The following PER2 variants were observed in gnomAD, a reference collection of about 807,000 sequenced individuals.
PER2 encodes the protein period circadian protein homolog 2.
A neutral mutation model predicts 121.0 loss-of-function variants in PER2; 66 were observed. That is an observed-to-expected ratio of 0.55 (90% confidence interval 0.45 to 0.67). The LOEUF (loss-of-function observed/expected upper bound fraction) is 0.67, where lower values mean the gene tolerates loss of function less well. PER2 is among the 30% of genes least tolerant of loss of function. The pLI is 0.00. For missense variants in PER2, 1,521 were observed against 1,635.0 expected, an observed-to-expected ratio of 0.93 and a Z score of 1.20; for synonymous variants, 684 against 659.9, an observed-to-expected ratio of 1.04 and a Z score of -0.56.
At position 238,245,251 on chromosome 2, in the gene PER2, A is replaced by C. The variant is rs1318319460; in HGVS notation, c.*1124T>G. On this transcript the variant is annotated 3_prime_UTR_variant, in exon 23 of 23. Transcript: ENST00000254657. ...GGCAGACTGGCCTCACTTTTCCCCAAGTGTCCAAATGACCTAAAAGTGCTG... is the reference window on the plus strand; with the variant it reads ...GGCAGACTGGCCTCACTTTTCCCCACGTGTCCAAATGACCTAAAAGTGCTG... The C allele has an allele frequency of 1.5e-5, 4 of 269,072 alleles. No individual in the cohort carries two copies. The South Asian group carries it at 5.1e-4, about 34-fold the overall frequency. 16.7% of individuals were successfully genotyped at this position (269,072 alleles called of 1,614,324 possible).
At chr2:238,280,750 T>C (rs1257964277) in intron 1 of PER2, among the ~76,000 whole-genome samples, 1 of 152,036 alleles carries the variant, frequency 6.6e-6, no homozygotes, top group Non-Finnish European at 1.5e-5. Flanking sequence ...ACGAGAACAA[T>C]AAAACAGAAA....
At position 238,268,309 on chromosome 2, in the gene PER2, T is replaced by A; in HGVS notation, c.825-111A>T. On this transcript the variant is annotated intron_variant, in intron 7 of 22. Coordinates refer to ENST00000254657, the MANE Select transcript of PER2 (RefSeq NM_022817.3). This position sits in a 1 kb window ranked among gnomAD's most constrained non-coding sequence, Gnocchi z 4.0. ...CCATGCTGCAGGTGATGTGTACCTC[T>A]GCTCTGCCTGAGGAGCTGGGCCTGC... 4 of 1,125,310 alleles carry A rather than the reference T, an allele frequency of 3.6e-6. No individual in the cohort carries two copies. The highest frequency in any genetic ancestry group is 5.2e-6 in the Non-Finnish European group (4 of 765,780). The allele number at this position is 1,125,310 out of a possible 1,614,324, so 69.7% of individuals were successfully genotyped here. A position where few individuals can be genotyped will look rare whatever the true frequency, so the allele number is the denominator to read the frequency against.
chr2:238,269,612 AAC>A (rs1338999133), intron 6 of PER2, among the ~76,000 whole-genome samples: 1 of 151,412 alleles, frequency 6.6e-6, no homozygotes, highest in Non-Finnish European at 1.5e-5. Flanking sequence ...CCTGCAACTG[AAC>A]ACACTCACGG....
chr2:238,269,003 C>A (rs1290114810), intron 6 of PER2, 29 bp from the exon 7 acceptor site: 1 of 1,530,194 alleles, frequency 6.5e-7, no homozygotes, highest in Admixed American at 1.7e-5. Context: ...AGTCATTCAT[C>A]CAAACCAACA....
chr2:238,284,612 G>A (rs1170514812), intron 1 of PER2, among the ~76,000 whole-genome samples: 1 of 152,200 alleles, frequency 6.6e-6, no homozygotes, highest in African/African-American at 2.4e-5. Context: ...CCTTAGAGGA[G>A]CATCAGGTAT....
chr2:238,258,241 T>C lies in PER2; in HGVS notation c.1900+35A>G, dbSNP rs200967262. ...ACTCTACTCCAGAGGATTTACATTA[T>C]TTCACATGTACATGGCTCTACACAG... On this transcript the variant is annotated intron_variant, in intron 16 of 22. Transcript: ENST00000254657. The C allele has an allele frequency of 6.0e-5, 97 of 1,611,562 alleles. 1 individual carries two copies. The Admixed American group carries it at 1.3e-3, about 21-fold the overall frequency.
At chr2:238,278,565 G>C (rs1559335875) in intron 1 of PER2, among the ~76,000 whole-genome samples, 1 of 152,202 alleles carries the variant, frequency 6.6e-6, no homozygotes. Flanking sequence ...CCTGTGGGGT[G>C]CTGGGAAAAA....
chr2:238,289,780 C>T (rs1298896503), upstream of PER2: 1 of 152,232 alleles, frequency 6.6e-6, no homozygotes, highest in East Asian at 1.9e-4. Flanking sequence ...GCGCGGGACC[C>T]TGCATCACCT....
rs774507779 is a variant in PER2, at chr2:238,255,841, A to C, written c.2136T>G (p.Gly712=). Residue 712 remains glycine, a synonymous_variant, in exon 18 of 23, where the codon GGT becomes GGG. Coordinates refer to ENST00000254657, the MANE Select transcript of PER2 (RefSeq NM_022817.3). ...DCLAGPALAC[G]LSQEKEPFKK... ...TGAAGGGCTCCTTCTCTTGGCTGAGACCACAGGCCAGGGCAGGGCCCGCCA... is the reference window on the plus strand; with the variant it reads ...TGAAGGGCTCCTTCTCTTGGCTGAGCCCACAGGCCAGGGCAGGGCCCGCCA... 6.2e-7 allele frequency: 1 copy of C among 1,614,180 alleles called. No homozygotes were observed. The highest frequency in any genetic ancestry group is 8.5e-7 in the Non-Finnish European group (1 of 1,180,030).
At position 238,268,624 on chromosome 2, in the gene PER2, C is replaced by A. The variant is rs1696186372; in HGVS notation, c.824+299G>T. ...GTCTCTCCCCAGAAAAACGCACAGA[C>A]AACCAAAAGACGCAGTGCTTTCAGA... is the stretch of plus-strand genomic sequence containing the variant. On this transcript the variant is annotated intron_variant, in intron 7 of 22. Coordinates refer to ENST00000254657, the MANE Select transcript of PER2 (RefSeq NM_022817.3). This position sits in a 1 kb window ranked among gnomAD's most constrained non-coding sequence, Gnocchi z 4.0. Among the ~76,000 whole-genome samples the A allele has an allele frequency of 6.6e-6, 1 of 152,198 alleles. No individual in the cohort carries two copies. The highest frequency in any genetic ancestry group is 1.9e-4 in the East Asian group (1 of 5,194).
intron 5 of PER2, among the ~76,000 whole-genome samples, chr2:238,272,602 G>A (rs1696323614): frequency 6.6e-6 from 1 of 152,384 alleles, no homozygotes; most frequent in South Asian, 2.1e-4. Context: ...AGAACTCAGA[G>A]TGGTAGAGTA....
intron 1 of PER2, among the ~76,000 whole-genome samples, chr2:238,284,694 T>C (rs1420693533): frequency 2.0e-5 from 3 of 152,234 alleles, no homozygotes; most frequent in East Asian, 1.9e-4. Flanking sequence ...CCTAAGTCCA[T>C]CCCCTGTAAG....
At chr2:238,286,483 G>A (rs1274667793) in intron 1 of PER2, among the ~76,000 whole-genome samples, 1 of 152,100 alleles carries the variant, frequency 6.6e-6, no homozygotes, top group Non-Finnish European at 1.5e-5. Flanking sequence ...ATAATGAGTT[G>A]AAAGGAGGGC....
Position 238,252,866 on chromosome 2 carries a change from G to A in PER2, c.3111+46C>T, listed in dbSNP as rs989365762. ...GATGTGCGGCCGGCCTGCCAGGTGT[G>A]CTGTTTGCTGCCTGCTTTGGGGAAA... On this transcript the variant is annotated intron_variant, in intron 19 of 22. Transcript: ENST00000254657. The surrounding 1 kb of genome is among the most constrained non-coding windows in gnomAD (Gnocchi z 4.2). 5.2e-6 allele frequency: 8 copies of A among 1,534,670 alleles called. No individual in the cohort carries two copies. The highest frequency in any genetic ancestry group is 1.1e-5 in the South Asian group (1 of 89,574).
At chr2:238,288,782 G>C (rs1383311247), upstream of PER2, among the ~76,000 whole-genome samples, 1 of 151,692 alleles carries the variant, frequency 6.6e-6, no homozygotes. Flanking sequence ...CGGCCGAGTC[G>C]CCGCTGTCAC....
Position 238,252,893 on chromosome 2 carries a change from A to C in PER2, c.3111+19T>G. On this transcript the variant is annotated intron_variant, in intron 19 of 22. Coordinates refer to ENST00000254657, the MANE Select transcript of PER2 (RefSeq NM_022817.3). The surrounding 1 kb of genome is among the most constrained non-coding windows in gnomAD (Gnocchi z 4.2). Reference sequence around the variant, plus strand: ...TGTTTGCTGCCTGCTTTGGGGAAAGAGCATCAGAAAATCCTTACGGTCAGA... The same window carrying C: ...TGTTTGCTGCCTGCTTTGGGGAAAGCGCATCAGAAAATCCTTACGGTCAGA... 1 of 1,609,426 alleles carries C rather than the reference A, an allele frequency of 6.2e-7. No individual in the cohort carries two copies. The highest frequency in any genetic ancestry group is 8.5e-7 in the Non-Finnish European group (1 of 1,177,450).
At chr2:238,289,870 C>T (rs1056306590), upstream of PER2, 3 of 152,246 alleles carry the variant, frequency 2.0e-5, no homozygotes, top group Non-Finnish European at 4.4e-5. Context: ...TACAATTTCC[C>T]CGGGTCTGGG....
Position 238,277,715 on chromosome 2 carries a change from G to A in PER2, c.222C>T (p.Ala74=). 3.7e-6 allele frequency: 6 copies of A among 1,614,088 alleles called. No homozygotes were observed. The highest frequency in any genetic ancestry group is 4.2e-6 in the Non-Finnish European group (5 of 1,180,016). The change falls in exon 2 of 23, where the codon GCC becomes GCT. Residue 74 remains alanine, a synonymous_variant. Coordinates refer to ENST00000254657, the MANE Select transcript of PER2 (RefSeq NM_022817.3). The stretch of plus-strand genomic sequence containing the variant: ...CCAGAGGCTGAACTCACCTCTGGCG[G>A]GCATCCGGTGGCTCCACCAGCATCC... The part of the protein sequence containing the change: ...ELGMLVEPPD[A]RQSPDTFSLM...
At position 238,255,724 on chromosome 2, in the gene PER2, G is replaced by C. The variant is rs146740628; in HGVS notation, c.2253C>G (p.Leu751=). Residue 751 remains leucine (L), a synonymous_variant, in exon 18 of 23, where the codon CTC becomes CTG. Transcript: ENST00000254657. The part of the protein sequence containing the change: ...FLQKFKEIRK[L]SIFQSHCHYY... ...AATGGCAGTGGGACTGGAAAATGCT[G>C]AGTTTTCTTATTTCTTTGAACTTCT... 1 of 1,614,104 alleles carries C rather than the reference G, an allele frequency of 6.2e-7. No homozygotes were observed. Among genetic ancestry groups the C allele is most frequent in the Non-Finnish European group, 8.5e-7 (1 of 1,180,014 alleles).
Sources: gnomAD v4.1 joint callset for allele counts (sites outside exome capture counted in the v4.1 genomes callset) on GRCh38, gnomAD v4.1.1 for gene constraint, Gnocchi (gnomAD v3.1) non-coding constraint, MANE v1.5 for transcripts, NCBI Gene and HGNC (gene_info 2026-07-23, HGNC 2026-07-21) for gene names.